DRC11: variants seen among roughly 807,000 people sequenced by gnomAD.
DRC11 encodes IQ and AAA domain-containing protein 1.
chr2:236,460,257 T>G, the DRC11 span, among the ~76,000 whole-genome samples: 8 of 152,152 alleles, frequency 5.3e-5, no homozygotes, highest in Admixed American at 2.6e-4. The surrounding 1 kb of genome is among the most constrained non-coding windows in gnomAD (Gnocchi z 4.0). Flanking sequence ...GACTCCAAAC[T>G]GTCAGGTCAA....
chr2:236,424,513 T>C, the DRC11 span, among the ~76,000 whole-genome samples: 1 of 152,220 alleles, frequency 6.6e-6, no homozygotes, highest in Admixed American at 6.5e-5. Context: ...TTTCTCTTTT[T>C]ATTTTTTATT....
the DRC11 span, among the ~76,000 whole-genome samples, chr2:236,491,125 A>G: frequency 1.3e-4 from 13 of 99,406 alleles, 1 homozygote; most frequent in Non-Finnish European, 1.7e-4. Context: ...TACAGTGTGT[A>G]TATATATATA....
chr2:236,390,468 T>A, the DRC11 span, among the ~76,000 whole-genome samples: 1 of 152,176 alleles, frequency 6.6e-6, no homozygotes, highest in African/African-American at 2.4e-5. The surrounding 1 kb of genome is among the most constrained non-coding windows in gnomAD (Gnocchi z 5.9). Flanking sequence ...TCTGAAGTAT[T>A]TTTTGAAAGG....
the DRC11 span, among the ~76,000 whole-genome samples, chr2:236,370,047 G>GT: frequency 2.0e-5 from 3 of 152,240 alleles, no homozygotes; most frequent in African/African-American, 7.2e-5. This position sits in a 1 kb window ranked among gnomAD's most constrained non-coding sequence, Gnocchi z 5.5. Flanking sequence ...AAATAGGGTT[G>GT]TCGCAGATAG....
the DRC11 span, among the ~76,000 whole-genome samples, chr2:236,358,000 ATATATT>A: frequency 8.7e-6 from 1 of 115,458 alleles, no homozygotes; most frequent in Non-Finnish European, 1.6e-5. Flanking sequence ...ATATATGAAT[ATATATT>A]TATAATATAT....
chr2:236,311,148 A>G, the DRC11 span, among the ~76,000 whole-genome samples: 1 of 152,176 alleles, frequency 6.6e-6, no homozygotes, highest in African/African-American at 2.4e-5. This position sits in a 1 kb window ranked among gnomAD's most constrained non-coding sequence, Gnocchi z 6.9. Flanking sequence ...GTGGGGAGGC[A>G]TCGGTTTCTA....
chr2:236,318,408 C>CGCAT, the DRC11 span, among the ~76,000 whole-genome samples: 1 of 152,038 alleles, frequency 6.6e-6, no homozygotes, highest in African/African-American at 2.4e-5. This position sits in a 1 kb window ranked among gnomAD's most constrained non-coding sequence, Gnocchi z 7.0. Context: ...TGGGACTGCA[C>CGCAT]GCATGCCTAC....
the DRC11 span, among the ~76,000 whole-genome samples, chr2:236,447,998 G>A: frequency 3.3e-5 from 5 of 152,180 alleles, no homozygotes; most frequent in African/African-American, 9.7e-5. The surrounding 1 kb of genome is among the most constrained non-coding windows in gnomAD (Gnocchi z 4.6). Context: ...ATTAAGATTC[G>A]AAGTATAATT....
chr2:236,394,093 A>G, the DRC11 span, among the ~76,000 whole-genome samples: 1 of 152,206 alleles, frequency 6.6e-6, no homozygotes, highest in East Asian at 1.9e-4. This position sits in a 1 kb window ranked among gnomAD's most constrained non-coding sequence, Gnocchi z 7.0. Flanking sequence ...CCCAGGAAGC[A>G]GAGCATCTCA....
At chr2:236,350,814 G>A in the DRC11 span, among the ~76,000 whole-genome samples, 8 of 152,168 alleles carry the variant, frequency 5.3e-5, no homozygotes, top group Non-Finnish European at 5.9e-5. This position sits in a 1 kb window ranked among gnomAD's most constrained non-coding sequence, Gnocchi z 5.2. Context: ...TCCAGAGCTC[G>A]GATCTCTGGC....
At chr2:236,323,504 CTCTG>C in the DRC11 span, among the ~76,000 whole-genome samples, 4 of 152,208 alleles carry the variant, frequency 2.6e-5, no homozygotes, top group Non-Finnish European at 5.9e-5. The surrounding 1 kb of genome is among the most constrained non-coding windows in gnomAD (Gnocchi z 6.4). Context: ...CTGTGACTGT[CTCTG>C]TCTGTCCCAA....
the DRC11 span, among the ~76,000 whole-genome samples, chr2:236,492,108 A>T: frequency 6.6e-6 from 1 of 152,200 alleles, no homozygotes; most frequent in South Asian, 2.1e-4. Flanking sequence ...CAACTCCTCA[A>T]TACTGGACTT....
At chr2:236,359,023 G>A in the DRC11 span, among the ~76,000 whole-genome samples, 1 of 151,654 alleles carries the variant, frequency 6.6e-6, no homozygotes, top group Non-Finnish European at 1.5e-5. The surrounding 1 kb of genome is among the most constrained non-coding windows in gnomAD (Gnocchi z 4.3). Context: ...TATCCGCCTT[G>A]CCAGTGAGAA....
chr2:236,469,482 T>G, the DRC11 span, among the ~76,000 whole-genome samples: 3 of 152,172 alleles, frequency 2.0e-5, no homozygotes, highest in African/African-American at 7.2e-5. This position sits in a 1 kb window ranked among gnomAD's most constrained non-coding sequence, Gnocchi z 5.8. Flanking sequence ...GAAACAGAGG[T>G]TCAGAACTCA....
chr2:236,408,160 G>T, the DRC11 span: 1 of 705,596 alleles, frequency 1.4e-6, no homozygotes, highest in Non-Finnish European at 2.7e-6. The surrounding 1 kb of genome is among the most constrained non-coding windows in gnomAD (Gnocchi z 5.5). Context: ...ATGGTCAGTG[G>T]AGGCATTGTT....
the DRC11 span, among the ~76,000 whole-genome samples, chr2:236,398,233 G>C: frequency 6.6e-6 from 1 of 152,178 alleles, no homozygotes; most frequent in Admixed American, 6.5e-5. This position sits in a 1 kb window ranked among gnomAD's most constrained non-coding sequence, Gnocchi z 6.2. Context: ...AATCCTGCCA[G>C]TGTCATCGTG....
At chr2:236,327,967 AT>A in the DRC11 span, among the ~76,000 whole-genome samples, 2 of 152,026 alleles carry the variant, frequency 1.3e-5, no homozygotes, top group South Asian at 2.1e-4. Flanking sequence ...ATGACTATAT[AT>A]TTTTTTCACT....
chr2:236,397,626 T>A, the DRC11 span, among the ~76,000 whole-genome samples: 5 of 152,250 alleles, frequency 3.3e-5, no homozygotes, highest in Non-Finnish European at 7.3e-5. This position sits in a 1 kb window ranked among gnomAD's most constrained non-coding sequence, Gnocchi z 5.0. Flanking sequence ...GTACATGCAG[T>A]ACCAAACCAG....
chr2:236,355,859 T>C, the DRC11 span, among the ~76,000 whole-genome samples: 2 of 152,088 alleles, frequency 1.3e-5, no homozygotes, highest in Non-Finnish European at 2.9e-5. Context: ...ACATACCTTT[T>C]ATGAACTACA....
Sources: gnomAD v4.1 joint callset for allele counts (sites outside exome capture counted in the v4.1 genomes callset) on GRCh38, gnomAD v4.1.1 for gene constraint, Gnocchi (gnomAD v3.1) non-coding constraint, MANE v1.5 for transcripts, NCBI Gene and HGNC (gene_info 2026-07-23, HGNC 2026-07-21) for gene names.